The following SAMD13 variants were observed in gnomAD, a reference collection of about 807,000 sequenced individuals.
SAMD13 encodes the protein sterile alpha motif domain containing 13.
A neutral mutation model predicts 12.4 loss-of-function variants in SAMD13; 9 were observed. That is an observed-to-expected ratio of 0.72 (90% CI 0.44 to 1.26). SAMD13 has a LOEUF of 1.26. Among genes scored for constraint, SAMD13 ranks in the 50% most tolerant of loss-of-function variants. The probability of loss-of-function intolerance (pLI) is 0.00; values close to 1 mark genes in which losing one functional copy is unlikely to be tolerated. For missense variants in SAMD13, 84 were observed against 119.6 expected (o/e 0.70, Z 1.39); for synonymous variants, 46 against 45.4 (o/e 1.01, Z -0.05).
chr1:84,327,912 G>A (rs1042418502), intron 3 of SAMD13, among the ~76,000 whole-genome samples: 3 of 152,148 alleles, frequency 2.0e-5, no homozygotes, highest in Admixed American at 2.0e-4. Flanking sequence ...GTGGAAGGCC[G>A]CTGATCAGCT....
intron 2 of SAMD13, among the ~76,000 whole-genome samples, chr1:84,321,569 A>G (rs1157448198): frequency 1.3e-5 from 2 of 152,218 alleles, no homozygotes; most frequent in South Asian, 2.1e-4. Context: ...TATTTTAAAC[A>G]GTGACATTTA....
At chr1:84,313,425 T>C (rs1293894636) in intron 2 of SAMD13, among the ~76,000 whole-genome samples, 1 of 152,158 alleles carries the variant, frequency 6.6e-6, no homozygotes, top group African/African-American at 2.4e-5. Context: ...TTTAAATCCA[T>C]GTATTTAAGA....
intron 3 of SAMD13, among the ~76,000 whole-genome samples, chr1:84,328,507 A>G (rs1175730325): frequency 6.6e-6 from 1 of 152,142 alleles, no homozygotes; most frequent in Non-Finnish European, 1.5e-5. Context: ...AGTGATTCAA[A>G]TATCGTTTCT....
At chr1:84,329,208 C>T (rs1158870325) in intron 3 of SAMD13, among the ~76,000 whole-genome samples, 1 of 152,080 alleles carries the variant, frequency 6.6e-6, no homozygotes, top group Non-Finnish European at 1.5e-5. Flanking sequence ...AGACAGCCTT[C>T]TACAAGCCAG....
At chr1:84,341,461 G>T (rs895208847) in intron 3 of SAMD13, among the ~76,000 whole-genome samples, 1 of 152,148 alleles carries the variant, frequency 6.6e-6, no homozygotes, top group Non-Finnish European at 1.5e-5. Context: ...CTGCAAATGT[G>T]ATGTGTTTCA....
At chr1:84,337,700 T>C (rs1484131053) in intron 3 of SAMD13, among the ~76,000 whole-genome samples, 1 of 152,242 alleles carries the variant, frequency 6.6e-6, no homozygotes, top group African/African-American at 2.4e-5. Flanking sequence ...TCATTACTTA[T>C]GCAGATTTCT....
At chr1:84,345,912 C>T (rs1679524999) in intron 3 of SAMD13, among the ~76,000 whole-genome samples, 1 of 152,082 alleles carries the variant, frequency 6.6e-6, no homozygotes, top group Non-Finnish European at 1.5e-5. Flanking sequence ...CTATGTTGCC[C>T]AGGCTGGCCT....
At chr1:84,336,991 TCTC>T (rs1679310606) in intron 3 of SAMD13, among the ~76,000 whole-genome samples, 2 of 152,198 alleles carry the variant, frequency 1.3e-5, no homozygotes, top group African/African-American at 4.8e-5. Flanking sequence ...TCCAAAATGA[TCTC>T]CTTTGACTCC....
At chr1:84,300,779 A>G (rs1209858594), upstream of SAMD13, among the ~76,000 whole-genome samples, 2 of 152,238 alleles carry the variant, frequency 1.3e-5, no homozygotes, top group Non-Finnish European at 2.9e-5. Flanking sequence ...CTTAAACAAA[A>G]GATCTTGCCC....
intron 3 of SAMD13, among the ~76,000 whole-genome samples, chr1:84,336,733 C>A (rs1459528607): frequency 6.6e-6 from 1 of 152,256 alleles, no homozygotes; most frequent in East Asian, 1.9e-4. Flanking sequence ...CCCAACAGTA[C>A]CCCAAAGTCT....
At chr1:84,345,036 G>A in intron 3 of SAMD13, 1 of 456,640 alleles carries the variant, frequency 2.2e-6, no homozygotes, top group Non-Finnish European at 4.4e-6. Flanking sequence ...CTTTGATGTG[G>A]CTCCCATATT....
At chr1:84,308,267 T>C (rs746738539) in intron 2 of SAMD13, among the ~76,000 whole-genome samples, 14 of 152,244 alleles carry the variant, frequency 9.2e-5, no homozygotes, top group Non-Finnish European at 1.8e-4. Context: ...CACAGGTTCC[T>C]AGTGGCTAGC....
At chr1:84,302,652 T>C in intron 1 of SAMD13, 1 of 986,820 alleles carries the variant, frequency 1.0e-6, no homozygotes, top group Non-Finnish European at 1.2e-6. Context: ...CATGGCCATC[T>C]CACAGACGGG....
At chr1:84,334,719 A>C (rs1679258832) in intron 3 of SAMD13, among the ~76,000 whole-genome samples, 1 of 151,962 alleles carries the variant, frequency 6.6e-6, no homozygotes, top group East Asian at 1.9e-4. Context: ...TCCTCTTAAC[A>C]CTGCTTTAGC....
At chr1:84,299,064 G>A (rs1678380175), upstream of SAMD13, among the ~76,000 whole-genome samples, 1 of 151,874 alleles carries the variant, frequency 6.6e-6, no homozygotes, top group Non-Finnish European at 1.5e-5. Flanking sequence ...TGCCCCTACC[G>A]TCCCCTTCTC....
chr1:84,325,716 T>C lies in SAMD13; in HGVS notation c.133T>C (p.Phe45Leu). Reference protein sequence around the residue: ...DVVNYFRTVGFEEQASAFQEQ... With the variant: ...DVVNYFRTVGLEEQASAFQEQ... ...CGTCAATTATTTCCGAACCGTGGGATTTGAGGAGCAAGCTAGTGCTTTTCA... is the reference window on the plus strand; with the variant it reads ...CGTCAATTATTTCCGAACCGTGGGACTTGAGGAGCAAGCTAGTGCTTTTCA... The change falls in exon 3 of 4, where the codon TTT becomes CTT. Residue 45 changes from phenylalanine (F) to leucine (L), a missense_variant. Phe to Leu is a conservative substitution (Grantham distance 22). Coordinates refer to ENST00000394834, the MANE Select transcript of SAMD13 (RefSeq NM_001134663.2). 1 of 1,613,050 alleles carries C rather than the reference T, an allele frequency of 6.2e-7. No homozygotes were observed. Among genetic ancestry groups the C allele is most frequent in the Non-Finnish European group, 8.5e-7 (1 of 1,179,256 alleles).
At chr1:84,318,763 T>C (rs1202105100) in intron 2 of SAMD13, among the ~76,000 whole-genome samples, 2 of 152,202 alleles carry the variant, frequency 1.3e-5, no homozygotes, top group African/African-American at 2.4e-5. Context: ...CTTGATATGT[T>C]ATAGTTATCT....
At chr1:84,314,691 G>A (rs879805939) in intron 2 of SAMD13, among the ~76,000 whole-genome samples, 12 of 152,074 alleles carry the variant, frequency 7.9e-5, no homozygotes, top group Non-Finnish European at 1.5e-4. Flanking sequence ...GGTGGGAGGG[G>A]GCGTGGCAGT....
At chr1:84,345,114 G>C (rs951519759) in intron 3 of SAMD13, 3 of 456,484 alleles carry the variant, frequency 6.6e-6, no homozygotes, top group Non-Finnish European at 1.3e-5. Flanking sequence ...TGAGACATTT[G>C]AACCCTTTGT....
Sources: gnomAD v4.1 joint callset for allele counts (sites outside exome capture counted in the v4.1 genomes callset) on GRCh38, gnomAD v4.1.1 for gene constraint, MANE v1.5 for transcripts, NCBI Gene and HGNC (gene_info 2026-07-23, HGNC 2026-07-21) for gene names.